The following CARNMT1 variants were observed in gnomAD, a reference collection of about 807,000 sequenced individuals.
The protein encoded by CARNMT1 is protein-L-histidine N-pros-methyltransferase CARNMT1.
Under a neutral mutation model 49.6 loss-of-function variants are expected in CARNMT1, and 28 were observed. The ratio of observed to expected loss-of-function variants is 0.56; its 90% CI spans 0.42 to 0.77. The LOEUF (loss-of-function observed/expected upper bound fraction) is 0.77, where lower values mean the gene tolerates loss of function less well. Among genes scored for constraint, CARNMT1 ranks in the 30% least tolerant of loss-of-function variants. CARNMT1 has a pLI of 0.00. For synonymous variants in CARNMT1, 178 were observed against 175.0 expected (o/e 1.02, Z -0.13); for missense variants, 421 against 512.6 (o/e 0.82, Z 1.73).
At chr9:75,006,852 G>A (rs1833525633) in intron 3 of CARNMT1, among the ~76,000 whole-genome samples, 2 of 152,104 alleles carry the variant, frequency 1.3e-5, no homozygotes, top group Admixed American at 1.3e-4. Context: ...CAACGGAAAA[G>A]GAACAGTGTG....
Position 74,998,646 on chromosome 9 carries a change from T to C in CARNMT1, c.862A>G (p.Asn288Asp), listed in dbSNP as rs745857196. 3.7e-5 allele frequency: 60 copies of C among 1,601,520 alleles called. No individual in the cohort carries two copies. The highest frequency in any genetic ancestry group is 4.9e-5 in the Non-Finnish European group (57 of 1,174,704). The change falls in exon 5 of 8, where the codon AAC (asparagine) becomes GAC (aspartate). Residue 288 changes from asparagine (N) to aspartate (D), a missense_variant. Transcript: ENST00000376834. ...AAATCTCCTGCTGTCATAGAAAAGT[T>C]AGAACCAGGAGGAAGACTGTGGGGG... ...VDPHSLPPGSNFSMTAGDFQE... is the reference protein window; with the variant it reads ...VDPHSLPPGSDFSMTAGDFQE...
intron 1 of CARNMT1, among the ~76,000 whole-genome samples, chr9:75,021,372 T>C (rs1033929315): frequency 1.4e-5 from 2 of 146,496 alleles, no homozygotes; most frequent in Non-Finnish European, 3.0e-5. Context: ...ATTATATACA[T>C]AGTATATATC....
chr9:75,013,991 GA>G (rs796949404), intron 3 of CARNMT1, among the ~76,000 whole-genome samples: 27 of 18,042 alleles, frequency 1.5e-3, no homozygotes, highest in East Asian at 5.2e-3. Flanking sequence ...GAGAGAGAGA[GA>G]AAAAAAAAAA....
chr9:75,006,531 A>G (rs899439827), intron 3 of CARNMT1, among the ~76,000 whole-genome samples: 2 of 152,060 alleles, frequency 1.3e-5, no homozygotes, highest in Non-Finnish European at 2.9e-5. Flanking sequence ...ACATAGGAAG[A>G]AATGTAACAA....
rs769173343 is a variant in CARNMT1, at chr9:74,982,834, T to C, written c.*933A>G. On this transcript the variant is annotated 3_prime_UTR_variant, in exon 8 of 8. Transcript: ENST00000376834. ...TTTCTCTGTTTCCTAGCACTACTTT[T>C]AATAAAGGCTTTTTATTTCTCACTT... 9 of 152,212 alleles carry C rather than the reference T, an allele frequency of 5.9e-5. No homozygotes were observed. Among genetic ancestry groups the C allele is most frequent in the Admixed American group, 1.3e-4 (2 of 15,274 alleles). 9.4% of individuals were successfully genotyped at this position (152,212 alleles called of 1,614,324 possible).
intron 3 of CARNMT1, among the ~76,000 whole-genome samples, chr9:75,002,592 C>T (rs1186674223): frequency 6.6e-6 from 1 of 152,144 alleles, no homozygotes; most frequent in Non-Finnish European, 1.5e-5. Flanking sequence ...AATAAAATTG[C>T]TTCTTTTAAA....
intron 6 of CARNMT1, among the ~76,000 whole-genome samples, chr9:74,989,806 C>A (rs775783776): frequency 2.6e-5 from 4 of 152,108 alleles, no homozygotes; most frequent in Non-Finnish European, 4.4e-5. Context: ...CACAGAGAAA[C>A]AAGGAATCAT....
At chr9:74,996,592 T>C in intron 5 of CARNMT1, 32 bp from the exon 6 acceptor site, 1 of 1,245,134 alleles carries the variant, frequency 8.0e-7, no homozygotes, top group South Asian at 1.3e-5. Flanking sequence ...ACTGCATCTG[T>C]TATGTTATTT....
At chr9:74,987,820 G>T (rs1464338858) in intron 6 of CARNMT1, among the ~76,000 whole-genome samples, 1 of 151,390 alleles carries the variant, frequency 6.6e-6, no homozygotes, top group Non-Finnish European at 1.5e-5. Flanking sequence ...AACACAACAA[G>T]AATTTTTATT....
intron 3 of CARNMT1, among the ~76,000 whole-genome samples, chr9:75,003,448 ATTGT>A (rs1833420171): frequency 6.6e-6 from 1 of 152,266 alleles, no homozygotes; most frequent in Non-Finnish European, 1.5e-5. Context: ...TCATCTAAGA[ATTGT>A]TTATGGCTGC....
chr9:75,016,187 G>T, intron 3 of CARNMT1, 81 bp downstream of exon 3: 1 of 1,070,928 alleles, frequency 9.3e-7, no homozygotes. Flanking sequence ...TAACAATGAA[G>T]CGAGACTGTG....
intron 6 of CARNMT1, among the ~76,000 whole-genome samples, chr9:74,988,175 C>T (rs1832903238): frequency 1.3e-5 from 2 of 152,024 alleles, no homozygotes; most frequent in Admixed American, 6.6e-5. Flanking sequence ...CCTCAGTCTC[C>T]CAAATAGCTG....
chr9:75,006,563 C>T (rs1377366800), intron 3 of CARNMT1, among the ~76,000 whole-genome samples: 7 of 152,216 alleles, frequency 4.6e-5, no homozygotes, highest in East Asian at 1.9e-4. Context: ...ATAGATATTA[C>T]ATTTCAGTGT....
chr9:75,002,556 T>C (rs1833392765), intron 3 of CARNMT1, among the ~76,000 whole-genome samples: 1 of 152,220 alleles, frequency 6.6e-6, no homozygotes, highest in South Asian at 2.1e-4. Context: ...AATAATCTTT[T>C]ATTACATTGA....
At chr9:75,020,277 T>C (rs1198580282) in intron 1 of CARNMT1, among the ~76,000 whole-genome samples, 5 of 148,054 alleles carry the variant, frequency 3.4e-5, no homozygotes, top group African/African-American at 9.9e-5. Flanking sequence ...CTTTTTTTTT[T>C]TTTTTTTTGA....
intron 3 of CARNMT1, among the ~76,000 whole-genome samples, chr9:75,008,948 G>A (rs911185339): frequency 2.1e-4 from 32 of 151,674 alleles, no homozygotes; most frequent in African/African-American, 7.5e-4. Flanking sequence ...TATGGCATAA[G>A]GACAAACACA....
chr9:74,983,942 T>C (rs1564089078), intron 7 of CARNMT1, 74 bp from the exon 8 acceptor site: 1 of 936,824 alleles, frequency 1.1e-6, no homozygotes, highest in Non-Finnish European at 1.6e-6. Context: ...TGAGCACATA[T>C]GTATCAGTGG....
intron 3 of CARNMT1, among the ~76,000 whole-genome samples, chr9:75,005,034 T>A (rs1282990317): frequency 3.3e-5 from 5 of 152,208 alleles, no homozygotes; most frequent in Non-Finnish European, 5.9e-5. Context: ...ATTCTTATAT[T>A]TAAATTATTA....
At chr9:74,998,183 C>A (rs1487577219) in intron 5 of CARNMT1, among the ~76,000 whole-genome samples, 2 of 152,200 alleles carry the variant, frequency 1.3e-5, no homozygotes, top group African/African-American at 2.4e-5. Context: ...TCTTTCCCTG[C>A]CAGTACAGCT....
Sources: gnomAD v4.1 joint callset for allele counts (sites outside exome capture counted in the v4.1 genomes callset) on GRCh38, gnomAD v4.1.1 for gene constraint, MANE v1.5 for transcripts, NCBI Gene and HGNC (gene_info 2026-07-23, HGNC 2026-07-21) for gene names.